ITPR1: variants seen among roughly 807,000 people sequenced by gnomAD.
The protein encoded by ITPR1 is inositol 1,4,5-trisphosphate-gated calcium channel ITPR1.
A neutral mutation model predicts 318.4 loss-of-function variants in ITPR1; 96 were observed. That is an observed-to-expected ratio of 0.30 (90% confidence interval 0.26 to 0.36). ITPR1 has a LOEUF of 0.36. Ranked by LOEUF, ITPR1 falls within the 10% of genes least tolerant of loss-of-function variation. ITPR1 has a pLI of 1.00. For missense variants in ITPR1, 2,440 were observed against 3,460.2 expected, an observed-to-expected ratio of 0.71 and a Z score of 7.40; for synonymous variants, 1,312 against 1,289.9, an observed-to-expected ratio of 1.02 and a Z score of -0.37.
intron 39 of ITPR1, among the ~76,000 whole-genome samples, chr3:4,715,472 C>T (rs929744367): frequency 6.6e-6 from 1 of 152,198 alleles, no homozygotes; most frequent in African/African-American, 2.4e-5. Context: ...TAGTTTTGGT[C>T]AGTTCCCACA....
intron 49 of ITPR1, among the ~76,000 whole-genome samples, chr3:4,781,912 G>T (rs2046862874): frequency 6.6e-6 from 1 of 152,208 alleles, no homozygotes; most frequent in African/African-American, 2.4e-5. Context: ...GAGCCTGGGA[G>T]GTCAGGGCTA....
intron 59 of ITPR1, 40 bp from the exon 60 acceptor site, chr3:4,818,042 C>G (rs1264060618): frequency 2.8e-5 from 44 of 1,555,026 alleles, no homozygotes; most frequent in Non-Finnish European, 3.8e-5. Context: ...TTTACCAAGG[C>G]TGCTCAGCTG....
chr3:4,736,689 G>A (rs891773129), intron 44 of ITPR1, among the ~76,000 whole-genome samples: 1 of 152,232 alleles, frequency 6.6e-6, no homozygotes, highest in Non-Finnish European at 1.5e-5. Flanking sequence ...TCATGTGTGT[G>A]TGGGTGGGTC....
chr3:4,543,655 C>A (rs1052591467), intron 4 of ITPR1, among the ~76,000 whole-genome samples: 15 of 152,150 alleles, frequency 9.9e-5, no homozygotes, highest in African/African-American at 3.4e-4. Context: ...GTTGGCCAGG[C>A]TGGTCTTGAA....
intron 31 of ITPR1, among the ~76,000 whole-genome samples, chr3:4,690,701 C>T (rs2094467227): frequency 1.3e-5 from 2 of 152,164 alleles, no homozygotes; most frequent in Non-Finnish European, 2.9e-5. Context: ...GGATCCTACT[C>T]CAAATGCCCT....
chr3:4,747,739 G>A (rs1231602879), intron 44 of ITPR1, among the ~76,000 whole-genome samples: 1 of 152,170 alleles, frequency 6.6e-6, no homozygotes, highest in Non-Finnish European at 1.5e-5. Flanking sequence ...AGGTTCCCAG[G>A]TCTTAGGAAA....
At chr3:4,603,967 T>C (rs919079764) in intron 4 of ITPR1, among the ~76,000 whole-genome samples, 4 of 152,234 alleles carry the variant, frequency 2.6e-5, no homozygotes, top group African/African-American at 9.6e-5. Context: ...GTGTTTCCTT[T>C]TCTCTGCAAC....
chr3:4,839,109 C>A (rs192787908), intron 61 of ITPR1, among the ~76,000 whole-genome samples: 81 of 152,272 alleles, frequency 5.3e-4, no homozygotes, highest in Middle Eastern at 3.4e-3. Flanking sequence ...GGGTGGATCA[C>A]CTGAGGTCAG....
At chr3:4,613,358 A>G (rs746542358) in intron 4 of ITPR1, among the ~76,000 whole-genome samples, 2 of 152,222 alleles carry the variant, frequency 1.3e-5, no homozygotes, top group Non-Finnish European at 2.9e-5. Context: ...TTTGAATAGA[A>G]TGGGAGGCTG....
At chr3:4,825,130 G>A (rs922361576) in intron 60 of ITPR1, among the ~76,000 whole-genome samples, 3 of 152,216 alleles carry the variant, frequency 2.0e-5, no homozygotes, top group Admixed American at 1.3e-4. Flanking sequence ...TAAGCCTGGT[G>A]CTGAGTTTTT....
rs771768628 is a variant in ITPR1 at position 4,779,561 on chromosome 3, G to A, written c.6303G>A (p.Ser2101=). 47 of 1,611,580 alleles carry A rather than the reference G, an allele frequency of 2.9e-5. No individual in the cohort carries two copies. The highest frequency in any genetic ancestry group is 3.6e-5 in the Non-Finnish European group (43 of 1,178,356). Residue 2101 remains serine (S), a synonymous_variant, in exon 49 of 62, where the codon TCG becomes TCA. Transcript: ENST00000649015. This position sits in a 1 kb window ranked among gnomAD's most constrained non-coding sequence, Gnocchi z 4.0. The part of the protein sequence containing the change: ...DLVLELKNNA[S]KLLLAIMESR... ...GTTTCTCCAACTAGAACAATGCCTCGAAGTTGCTCCTGGCCATCATGGAAA... is the reference window on the plus strand; with the variant it reads ...GTTTCTCCAACTAGAACAATGCCTCAAAGTTGCTCCTGGCCATCATGGAAA...
chr3:4,555,754 A>G (rs1171045078), intron 4 of ITPR1, among the ~76,000 whole-genome samples: 3 of 152,218 alleles, frequency 2.0e-5, no homozygotes, highest in Non-Finnish European at 4.4e-5. Context: ...CAATACTACA[A>G]TTTACTTAAA....
intron 44 of ITPR1, among the ~76,000 whole-genome samples, chr3:4,739,272 A>G (rs1483098824): frequency 2.6e-5 from 4 of 152,202 alleles, no homozygotes; most frequent in Non-Finnish European, 2.9e-5. Context: ...GCTCCACTGA[A>G]GACATGGTGG....
intron 4 of ITPR1, among the ~76,000 whole-genome samples, chr3:4,555,118 C>G (rs2085994988): frequency 6.6e-6 from 1 of 152,094 alleles, no homozygotes; most frequent in African/African-American, 2.4e-5. Context: ...TTGGAGAATT[C>G]AGTGTTTTTA....
intron 18 of ITPR1, among the ~76,000 whole-genome samples, chr3:4,667,990 G>A (rs954635804): frequency 6.6e-6 from 1 of 152,088 alleles, no homozygotes; most frequent in East Asian, 1.9e-4. Context: ...ATGTTTTGAT[G>A]TAGGCATGCA....
chr3:4,643,108 C>G (rs1489514694), intron 7 of ITPR1, among the ~76,000 whole-genome samples: 1 of 152,174 alleles, frequency 6.6e-6, no homozygotes, highest in East Asian at 1.9e-4. Flanking sequence ...CCAGAAACAT[C>G]TAGTACCAGA....
At chr3:4,836,733 G>A in intron 60 of ITPR1, 41 bp from the exon 61 acceptor site, 2 of 1,265,066 alleles carry the variant, frequency 1.6e-6, no homozygotes, top group Admixed American at 3.4e-5. Context: ...AAGTGACTCA[G>A]TCTTTTTTTT....
rs548630008 is a variant in ITPR1, at chr3:4,790,888, T to G, written c.6808+2749T>G. ...CATAGTCTTCTGTGCACTCACATCC[T>G]CTCTCTCACCATCCCTCCCTGATAT... On this transcript the variant is annotated intron_variant, in intron 52 of 61. Transcript: ENST00000649015. Among the ~76,000 whole-genome samples the G allele has an allele frequency of 3.3e-5, 5 of 152,286 alleles. No individual in the cohort carries two copies. In the South Asian group the frequency reaches 1.0e-3, roughly 32 times the overall value.
At chr3:4,593,249 G>A (rs981650040) in intron 4 of ITPR1, among the ~76,000 whole-genome samples, 2 of 152,128 alleles carry the variant, frequency 1.3e-5, no homozygotes, top group Non-Finnish European at 2.9e-5. Context: ...GGTTTCATGG[G>A]TGATATTTAT....
Sources: gnomAD v4.1 joint callset for allele counts (sites outside exome capture counted in the v4.1 genomes callset) on GRCh38, gnomAD v4.1.1 for gene constraint, Gnocchi (gnomAD v3.1) non-coding constraint, MANE v1.5 for transcripts, NCBI Gene and HGNC (gene_info 2026-07-23, HGNC 2026-07-21) for gene names.